The following CEP290 variants were observed in gnomAD, a reference collection of about 807,000 sequenced individuals.
CEP290 encodes the protein centrosomal protein 290.
Under a neutral mutation model 344.9 loss-of-function variants are expected in CEP290, and 317 were observed. The observed-to-expected ratio is 0.92, with a 90% CI of 0.84 to 1.01. CEP290 has a LOEUF of 1.01. CEP290 is among the 50% of genes least tolerant of loss of function. The pLI is 0.00. For missense variants in CEP290, 2,754 were observed against 2,761.4 expected (o/e 1.00, Z 0.06); for synonymous variants, 932 against 895.8 (o/e 1.04, Z -0.72).
intron 25 of CEP290, among the ~76,000 whole-genome samples, chr12:88,105,934 A>G (rs549092084): frequency 3.3e-5 from 5 of 152,132 alleles, no homozygotes; most frequent in Non-Finnish European, 4.4e-5. Flanking sequence ...AACAAAAAAA[A>G]AAACATTTTT....
chr12:88,123,035 A>C (rs979223796), intron 13 of CEP290, among the ~76,000 whole-genome samples: 4 of 152,054 alleles, frequency 2.6e-5, no homozygotes, highest in African/African-American at 9.7e-5. Flanking sequence ...CTACCAAGCC[A>C]CCTACATCGA....
At chr12:88,084,894 T>G in intron 34 of CEP290, 42 bp from the exon 35 acceptor site, 1 of 1,410,958 alleles carries the variant, frequency 7.1e-7, no homozygotes, top group Non-Finnish European at 9.4e-7. Context: ...AGTATCTTTT[T>G]CCCTTTAAAA....
chr12:88,106,960 A>G, intron 24 of CEP290, 36 bp downstream of exon 24: 1 of 1,543,712 alleles, frequency 6.5e-7, no homozygotes, highest in Non-Finnish European at 8.8e-7. Flanking sequence ...TACTTTGTAC[A>G]ATATTGCATA....
At chr12:88,090,949 A>C (rs532299322) in intron 29 of CEP290, 110 bp from the exon 30 acceptor site, 2 of 598,136 alleles carry the variant, frequency 3.3e-6, no homozygotes, top group Non-Finnish European at 5.8e-6. Flanking sequence ...TTCAGCATCT[A>C]TCTCTTCTTT....
intron 52 of CEP290, among the ~76,000 whole-genome samples, chr12:88,050,899 C>G (rs1354307105): frequency 6.6e-6 from 1 of 152,116 alleles, no homozygotes; most frequent in African/African-American, 2.4e-5. Flanking sequence ...GTCATGCAGG[C>G]TGTGTAATAC....
intron 15 of CEP290, 23 bp downstream of exon 15, chr12:88,120,091 A>C (rs188757481): frequency 6.9e-7 from 1 of 1,446,116 alleles, no homozygotes; most frequent in African/African-American, 1.5e-5. Context: ...TGCGCAAACT[A>C]TGTAACTTAA....
intron 32 of CEP290, among the ~76,000 whole-genome samples, chr12:88,086,704 T>TATCCATCCATCCATCC (rs71082424): frequency 0.26 from 38,520 of 148,950 alleles, 5,190 homozygotes; most frequent in Middle Eastern, 0.32. Context: ...GATTTCAGTC[T>TATCCATCCATCCATCC]ATCCATCCAT....
chr12:88,138,247 A>G (rs944324531), intron 5 of CEP290, among the ~76,000 whole-genome samples: 1 of 152,090 alleles, frequency 6.6e-6, no homozygotes, highest in African/African-American at 2.4e-5. Context: ...AAGACTTCAT[A>G]ATCATCACTT....
chr12:88,092,810 G>C lies in CEP290; in HGVS notation c.3332C>G (p.Ala1111Gly). Residue 1111 changes from alanine to glycine, a missense_variant, in exon 29 of 54, where the codon GCA (alanine) becomes GGA (glycine). Transcript: ENST00000552810. The stretch of plus-strand genomic sequence containing the variant: ...TCTTAACATCTGTTCCACCTTCTGT[G>C]CATCCAAATTGATTTTGGTAAGCTA... ...FAELTKINLDAQKVEQMLRDE... is the reference protein window; with the variant it reads ...FAELTKINLDGQKVEQMLRDE... 1 of 1,608,150 alleles carries C rather than the reference G, an allele frequency of 6.2e-7. No individual in the cohort carries two copies. Among genetic ancestry groups the C allele is most frequent in the Non-Finnish European group, 8.5e-7 (1 of 1,177,796 alleles).
intron 13 of CEP290, 62 bp from the exon 14 acceptor site, chr12:88,121,228 C>G (rs2039380056): frequency 7.8e-7 from 1 of 1,284,454 alleles, no homozygotes; most frequent in Non-Finnish European, 1.1e-6. Flanking sequence ...AATCAGTGAT[C>G]CCAACATGGT....
At chr12:88,117,227 A>C in intron 17 of CEP290, 82 bp from the exon 18 acceptor site, 3 of 673,266 alleles carry the variant, frequency 4.5e-6, no homozygotes, top group Non-Finnish European at 4.9e-6. Flanking sequence ...AAAACCTACA[A>C]TCAAGTTTTA....
At chr12:88,125,793 C>T (rs2039693557) in intron 12 of CEP290, among the ~76,000 whole-genome samples, 1 of 151,984 alleles carries the variant, frequency 6.6e-6, no homozygotes, top group Admixed American at 6.6e-5. Context: ...TGTTCTTATT[C>T]AGCATACACT....
intron 3 of CEP290, among the ~76,000 whole-genome samples, chr12:88,140,503 A>T (rs532275741): frequency 6.6e-6 from 1 of 152,194 alleles, no homozygotes; most frequent in African/African-American, 2.4e-5. Context: ...AAGAATAAAC[A>T]TATTTCCTGT....
Position 88,080,187 on chromosome 12 carries a change from G to T in CEP290, c.5221C>A (p.Gln1741Lys). The T allele has an allele frequency of 6.3e-7, 1 of 1,592,764 alleles. No individual in the cohort carries two copies. Among genetic ancestry groups the T allele is most frequent in the South Asian group, 1.1e-5 (1 of 88,008 alleles). Residue 1741 changes from glutamine to lysine, a missense_variant, in exon 38 of 54, where the codon CAG becomes AAG. Transcript: ENST00000552810. ...AATTTTCTGTTGTTACTTACTTTCT[G>T]TTGTTTCTCCTTCAAGGCTAATTGG... ...KSQLALKEKQ[Q>K]KALSRALLEL...
intron 37 of CEP290, among the ~76,000 whole-genome samples, chr12:88,082,254 T>A (rs2036250229): frequency 1.3e-5 from 2 of 152,228 alleles, no homozygotes; most frequent in Admixed American, 6.5e-5. Context: ...CTCTATTATA[T>A]GACAGACACT....
chr12:88,139,201 TAAAAA>T lies in CEP290; in HGVS notation c.251-15_251-11del. ...GTTTTTAATTGATTTTCTATTTTTT[TAAAAA>T]AAAAGAAAAACGTTTTAATTGATTA... On this transcript the variant is annotated splice_polypyrimidine_tract_variant and intron_variant, in intron 4 of 53. Coordinates refer to ENST00000552810, the MANE Select transcript of CEP290 (RefSeq NM_025114.4). The T allele has an allele frequency of 9.2e-7, 1 of 1,086,504 alleles. No homozygotes were observed. Among genetic ancestry groups the T allele is most frequent in the Non-Finnish European group, 1.3e-6 (1 of 781,960 alleles). 67.3% of individuals were successfully genotyped at this position (1,086,504 alleles called of 1,614,324 possible). A position where few individuals can be genotyped will look rare whatever the true frequency, so the allele number is the denominator to read the frequency against.
At chr12:88,115,449 T>C (rs751034122) in intron 18 of CEP290, 1 of 1,272,820 alleles carries the variant, frequency 7.9e-7, no homozygotes, top group Admixed American at 2.3e-5. Flanking sequence ...ACCACAATCA[T>C]CTCTTTTAAT....
At chr12:88,112,420 AAAAAT>A (rs2038755845) in intron 20 of CEP290, among the ~76,000 whole-genome samples, 1 of 152,154 alleles carries the variant, frequency 6.6e-6, no homozygotes, top group Non-Finnish European at 1.5e-5. Context: ...AAGCATAAAT[AAAAAT>A]AAAGGCAAGG....
chr12:88,098,344 T>C (rs1428356275), intron 26 of CEP290, among the ~76,000 whole-genome samples: 14 of 149,426 alleles, frequency 9.4e-5, no homozygotes, highest in Admixed American at 9.4e-4. Context: ...GTGCAGTGGC[T>C]CACACCTGTA....
Sources: allele counts gnomAD v4.1 joint callset (sites outside exome capture counted in the v4.1 genomes callset), GRCh38; gene constraint gnomAD v4.1.1; transcripts MANE v1.5; gene names NCBI Gene and HGNC (gene_info 2026-07-23, HGNC 2026-07-21).